The following TENT4B variants were observed in gnomAD, a reference collection of about 807,000 sequenced individuals.
The protein encoded by TENT4B is terminal nucleotidyltransferase 4B.
TENT4B carries 10 observed loss-of-function variants against 75.0 expected under a neutral mutation model. The observed-to-expected ratio is 0.13, with a 90% CI of 0.08 to 0.23. The LOEUF (loss-of-function observed/expected upper bound fraction) is 0.23, where lower values mean the gene tolerates loss of function less well. TENT4B is among the 10% of genes least tolerant of loss of function. The pLI, the probability that TENT4B is intolerant of heterozygous loss-of-function variation, is 1.00. For synonymous variants in TENT4B, 350 were observed against 357.7 expected (o/e 0.98, Z 0.24); for missense variants, 579 against 893.8 (o/e 0.65, Z 4.49).
intron 5 of TENT4B, among the ~76,000 whole-genome samples, chr16:50,220,875 A>G (rs374943701): frequency 5.9e-5 from 9 of 151,970 alleles, no homozygotes; most frequent in African/African-American, 2.2e-4. Flanking sequence ...GTTCTTTCCT[A>G]TGCTTGCTTA....
chr16:50,208,189 A>C (rs1356529937), intron 1 of TENT4B, among the ~76,000 whole-genome samples: 2 of 152,188 alleles, frequency 1.3e-5, no homozygotes, highest in East Asian at 3.8e-4. Context: ...TTCTCCTTCC[A>C]GTGTGGCAAA....
intron 1 of TENT4B, among the ~76,000 whole-genome samples, chr16:50,158,817 G>A (rs537627988): frequency 6.6e-6 from 1 of 152,268 alleles, no homozygotes; most frequent in South Asian, 2.1e-4. Context: ...AAACTAGGAT[G>A]GTGGGAATGG....
chr16:50,200,227 G>A lies in TENT4B; in HGVS notation c.639-11096G>A, dbSNP rs551161663. Among the ~76,000 whole-genome samples the A allele has an allele frequency of 7.9e-5, 12 of 151,968 alleles. No individual in the cohort carries two copies. The South Asian group carries it at 1.9e-3, about 24-fold the overall frequency. On this transcript the variant is annotated intron_variant, in intron 1 of 11. Coordinates refer to ENST00000561678, the MANE Select transcript of TENT4B (RefSeq NM_001365324.3). ...CAAAAAATTTAAAAATTAGCTGGGC[G>A]TGGTCTTATGTGCCTATAGTCCTAA...
At position 50,231,453 on chromosome 16, in the gene TENT4B, T is replaced by G; in HGVS notation, c.*2125T>G. The G allele has an allele frequency of 1.0e-6, 1 of 985,754 alleles. No individual in the cohort carries two copies. The allele number at this position is 985,754 out of a possible 1,614,324, so 61.1% of individuals were successfully genotyped here. On this transcript the variant is annotated 3_prime_UTR_variant, in exon 12 of 12. Coordinates refer to ENST00000561678, the MANE Select transcript of TENT4B (RefSeq NM_001365324.3). Reference sequence around the variant, plus strand: ...TATGTTACATTTACCACACTGAAGTTTTTTTTGTTGTTTTTTGTTTGTTTT... The same window carrying G: ...TATGTTACATTTACCACACTGAAGTGTTTTTTGTTGTTTTTTGTTTGTTTT...
intron 1 of TENT4B, among the ~76,000 whole-genome samples, chr16:50,172,306 C>G (rs1043520068): frequency 2.6e-5 from 4 of 151,892 alleles, no homozygotes; most frequent in African/African-American, 9.7e-5. Flanking sequence ...GATTGTGCCA[C>G]TGGACTCCAG....
At position 50,227,958 on chromosome 16, in the gene TENT4B, A is replaced by G. The variant is rs1344098038; in HGVS notation, c.1920A>G (p.Gln640=). ...CCTCTCAGGCAGTTGGGAAAATGCA[A>G]AGCACCCAAACCACTAACACATCCA... ...LESSQAVGKM[Q]STQTTNTSNS... Residue 640 remains glutamine (Q), a synonymous_variant, in exon 11 of 12, where the codon CAA becomes CAG. Transcript: ENST00000561678. 3 of 1,613,910 alleles carry G rather than the reference A, an allele frequency of 1.9e-6. No individual in the cohort carries two copies. Among genetic ancestry groups the G allele is most frequent in the Middle Eastern group, 1.6e-4 (1 of 6,084 alleles).
At chr16:50,213,411 C>T (rs188144731) in intron 2 of TENT4B, among the ~76,000 whole-genome samples, 12 of 152,268 alleles carry the variant, frequency 7.9e-5, no homozygotes, top group Admixed American at 2.6e-4. Flanking sequence ...TGAGTTCCAC[C>T]GTTCTCCATG....
intron 2 of TENT4B, 119 bp downstream of exon 2, chr16:50,211,565 G>A: frequency 8.6e-7 from 1 of 1,168,328 alleles, no homozygotes; most frequent in Non-Finnish European, 1.1e-6. Context: ...GTAGAGTTGT[G>A]GTCTAATTAA....
chr16:50,214,055 A>C (rs2031423398), intron 2 of TENT4B, among the ~76,000 whole-genome samples, 166 bp from the exon 3 acceptor site: 1 of 152,204 alleles, frequency 6.6e-6, no homozygotes, highest in Non-Finnish European at 1.5e-5. Context: ...CTTGTGAAAC[A>C]GAATCCCCGC....
chr16:50,184,623 C>T (rs1489262915), intron 1 of TENT4B, among the ~76,000 whole-genome samples: 8 of 151,872 alleles, frequency 5.3e-5, no homozygotes, highest in East Asian at 1.9e-4. Context: ...GCCGAGATGG[C>T]GCCACTGCAC....
chr16:50,160,778 G>A (rs570323981), intron 1 of TENT4B, among the ~76,000 whole-genome samples: 1 of 152,252 alleles, frequency 6.6e-6, no homozygotes, highest in Non-Finnish European at 1.5e-5. Context: ...GTGGAAAGTA[G>A]AAAATCAAGC....
chr16:50,208,068 G>A (rs2031082767), intron 1 of TENT4B, among the ~76,000 whole-genome samples: 1 of 152,170 alleles, frequency 6.6e-6, no homozygotes, highest in Non-Finnish European at 1.5e-5. Flanking sequence ...GCTTGTGCCT[G>A]GTGTGGATGA....
At chr16:50,162,972 A>G (rs1003867596) in intron 1 of TENT4B, among the ~76,000 whole-genome samples, 2 of 152,164 alleles carry the variant, frequency 1.3e-5, no homozygotes, top group African/African-American at 4.8e-5. Context: ...TACCTGAATA[A>G]TACCTTTAGA....
chr16:50,193,159 T>C (rs898234332), intron 1 of TENT4B, among the ~76,000 whole-genome samples: 10 of 152,130 alleles, frequency 6.6e-5, no homozygotes, highest in African/African-American at 2.4e-4. Context: ...TGTGGTTTGC[T>C]GACTTCTGGT....
chr16:50,225,368 G>T, intron 10 of TENT4B, 83 bp downstream of exon 10: 1 of 1,242,374 alleles, frequency 8.0e-7, no homozygotes, highest in Non-Finnish European at 1.1e-6. Context: ...GAAGGCTAAG[G>T]CTACTTCCTT....
At chr16:50,162,342 T>C (rs1329877037) in intron 1 of TENT4B, among the ~76,000 whole-genome samples, 1 of 152,226 alleles carries the variant, frequency 6.6e-6, no homozygotes, top group East Asian at 1.9e-4. Flanking sequence ...ATGTTTGGAT[T>C]GTATGGTAAG....
chr16:50,197,721 C>T (rs532512543), intron 1 of TENT4B, among the ~76,000 whole-genome samples: 18 of 152,116 alleles, frequency 1.2e-4, no homozygotes, highest in South Asian at 8.3e-4. Flanking sequence ...GTACCGAAAA[C>T]GGAAGTGAGG....
Position 50,234,664 on chromosome 16 carries a change from A to G in TENT4B, c.*5336A>G, listed in dbSNP as rs1051480031. ...AAAAAAGTCTTTTGAAAGTCCTACA[A>G]TCCTAAAATAAATCACAAGCTTGTT... On this transcript the variant is annotated 3_prime_UTR_variant, in exon 12 of 12. Coordinates refer to ENST00000561678, the MANE Select transcript of TENT4B (RefSeq NM_001365324.3). 3.0e-6 allele frequency: 3 copies of G among 985,320 alleles called. No individual in the cohort carries two copies. The African/African-American group carries it at 5.2e-5, about 17-fold the overall frequency. The allele number at this position is 985,320 out of a possible 1,614,324, so 61.0% of individuals were successfully genotyped here. A position where few individuals can be genotyped will look rare whatever the true frequency, so the allele number is the denominator to read the frequency against.
chr16:50,170,668 A>T (rs977811930), intron 1 of TENT4B, among the ~76,000 whole-genome samples: 1 of 145,492 alleles, frequency 6.9e-6, no homozygotes, highest in African/African-American at 2.5e-5. Flanking sequence ...CAAGATAGGG[A>T]TTTTTTTTTT....
Sources: allele counts gnomAD v4.1 joint callset (sites outside exome capture counted in the v4.1 genomes callset), GRCh38; gene constraint gnomAD v4.1.1; transcripts MANE v1.5; gene names NCBI Gene and HGNC (gene_info 2026-07-23, HGNC 2026-07-21).